Variants in PDE1C observed in about 807,000 individuals in gnomAD.
PDE1C encodes dual specificity calcium/calmodulin-dependent 3',5'-cyclic nucleotide phosphodiesterase 1C.
A neutral mutation model predicts 93.1 loss-of-function variants in PDE1C; 62 were observed. The ratio of observed to expected loss-of-function variants is 0.67; its 90% CI spans 0.54 to 0.82. The LOEUF is 0.82. Ranked by LOEUF, PDE1C falls within the 40% of genes least tolerant of loss-of-function variation. The pLI is 0.00. For missense variants in PDE1C, 742 were observed against 884.6 expected (o/e 0.84, Z 2.04); for synonymous variants, 325 against 310.1 (o/e 1.05, Z -0.50).
chr7:32,248,922 G>A (rs573769980), intron 1 of PDE1C, among the ~76,000 whole-genome samples: 1 of 152,310 alleles, frequency 6.6e-6, no homozygotes, highest in South Asian at 2.1e-4. Flanking sequence ...GGTATCAGGG[G>A]AGTTGTTTAT....
intron 16 of PDE1C, chr7:31,789,611 T>C: frequency 1.1e-6 from 1 of 921,820 alleles, no homozygotes; most frequent in Non-Finnish European, 1.3e-6. Flanking sequence ...GAATAATCTT[T>C]TTTAGAAAAC....
intron 2 of PDE1C, among the ~76,000 whole-genome samples, chr7:31,914,744 T>C (rs1165991228): frequency 1.3e-5 from 2 of 152,216 alleles, no homozygotes; most frequent in African/African-American, 2.4e-5. Flanking sequence ...TCTTGAATTT[T>C]TTCTTCTATT....
At chr7:31,656,519 C>G in the PDE1C span, 10 of 900,698 alleles carry the variant, frequency 1.1e-5, no homozygotes, top group Non-Finnish European at 1.3e-5. Context: ...TGTCTTCCTT[C>G]TGTTGAAAAG....
intron 14 of PDE1C, 21 bp downstream of exon 14, chr7:31,823,052 G>T: frequency 6.3e-7 from 1 of 1,589,362 alleles, no homozygotes; most frequent in South Asian, 1.2e-5. Flanking sequence ...AATTGGTTTG[G>T]ACAGGTCTGT....
intron 1 of PDE1C, 73 bp from the exon 2 acceptor site, chr7:32,051,653 G>T (rs1363360517): frequency 8.0e-7 from 1 of 1,252,808 alleles, no homozygotes; most frequent in Non-Finnish European, 1.2e-6. Flanking sequence ...GATTACTTCA[G>T]TGGGGATGGG....
At chr7:31,782,289 A>G (rs1783483374) in intron 16 of PDE1C, among the ~76,000 whole-genome samples, 1 of 152,190 alleles carries the variant, frequency 6.6e-6, no homozygotes, top group South Asian at 2.1e-4. Context: ...ACTATACTAT[A>G]TGGCCTTAAC....
chr7:32,061,197 C>T (rs963081193), intron 1 of PDE1C, among the ~76,000 whole-genome samples: 1 of 152,226 alleles, frequency 6.6e-6, no homozygotes, highest in East Asian at 1.9e-4. Flanking sequence ...GCTCCATGCA[C>T]TCTCATACTG....
intron 1 of PDE1C, among the ~76,000 whole-genome samples, chr7:32,322,614 T>C (rs13311476): frequency 3.1e-5 from 2 of 65,522 alleles, no homozygotes; most frequent in Non-Finnish European, 8.0e-5. Flanking sequence ...TATTTTTTTC[T>C]TTTTTCTTTT....
intron 1 of PDE1C, among the ~76,000 whole-genome samples, chr7:32,382,873 A>G (rs1328622609): frequency 6.6e-6 from 1 of 152,184 alleles, no homozygotes; most frequent in Non-Finnish European, 1.5e-5. Context: ...CACTGTCGCC[A>G]GGCAGACCTC....
chr7:31,696,906 C>T, the PDE1C span: 1 of 1,567,024 alleles, frequency 6.4e-7, no homozygotes, highest in Non-Finnish European at 8.7e-7. Context: ...GCACAGTCCT[C>T]ATATATTAGG....
chr7:32,153,084 G>A (rs1490653554), intron 3 of PDE1C, among the ~76,000 whole-genome samples: 3 of 152,182 alleles, frequency 2.0e-5, no homozygotes, highest in Non-Finnish European at 2.9e-5. Context: ...AGAGGGAAAC[G>A]CGGCAGCCAC....
chr7:31,825,131 G>T, intron 12 of PDE1C, 144 bp from the exon 13 acceptor site: 2 of 1,047,068 alleles, frequency 1.9e-6, no homozygotes, highest in East Asian at 2.6e-5. Flanking sequence ...TCCTTGATTT[G>T]AATATTACAT....
chr7:32,156,781 T>G, intron 3 of PDE1C, among the ~76,000 whole-genome samples: 1 of 152,232 alleles, frequency 6.6e-6, no homozygotes, highest in Non-Finnish European at 1.5e-5. Flanking sequence ...CAAGTGCCAT[T>G]AAGTGATGCT....
At chr7:31,707,379 A>G in the PDE1C span, 1 of 1,073,688 alleles carries the variant, frequency 9.3e-7, no homozygotes, top group Non-Finnish European at 1.3e-6. Flanking sequence ...CATTTTTGTC[A>G]TCGTCTGACT....
At chr7:32,201,479 C>T (rs1805008995) in intron 2 of PDE1C, among the ~76,000 whole-genome samples, 1 of 152,270 alleles carries the variant, frequency 6.6e-6, no homozygotes, top group South Asian at 2.1e-4. Context: ...GTACAGCATT[C>T]CCATTAAGGG....
At chr7:32,350,586 ATATATT>A (rs1207122307) in intron 1 of PDE1C, among the ~76,000 whole-genome samples, 13 of 378 alleles carry the variant, frequency 0.034, no homozygotes, top group African/African-American at 0.042. Flanking sequence ...ATATATATAT[ATATATT>A]TTTTTTTTTT....
intron 9 of PDE1C, among the ~76,000 whole-genome samples, chr7:31,844,202 A>G (rs1378110326): frequency 3.3e-5 from 5 of 151,770 alleles, no homozygotes; most frequent in Admixed American, 1.3e-4. Flanking sequence ...TTTCACTATC[A>G]TATCATTTTC....
the PDE1C span, among the ~76,000 whole-genome samples, chr7:31,724,376 G>T: frequency 6.6e-6 from 1 of 152,188 alleles, no homozygotes; most frequent in African/African-American, 2.4e-5. Flanking sequence ...AACTTGGAAA[G>T]ATGCTATGGC....
At chr7:31,781,762 A>G (rs1393087421) in intron 16 of PDE1C, among the ~76,000 whole-genome samples, 1 of 147,630 alleles carries the variant, frequency 6.8e-6, no homozygotes, top group Admixed American at 7.0e-5. Flanking sequence ...GCATATTCAG[A>G]GTATTTAATG....
Sources: gnomAD v4.1 joint callset for allele counts (sites outside exome capture counted in the v4.1 genomes callset) on GRCh38, gnomAD v4.1.1 for gene constraint, MANE v1.5 for transcripts, NCBI Gene and HGNC (gene_info 2026-07-23, HGNC 2026-07-21) for gene names.